Variants in GMDS observed in about 807,000 individuals in gnomAD.
The protein encoded by GMDS is GDP-mannose 4,6-dehydratase, also known as GDP-mannose 4,6 dehydratase.
A neutral mutation model predicts 49.9 loss-of-function variants in GMDS; 20 were observed. The ratio of observed to expected loss-of-function variants is 0.40; its 90% CI spans 0.28 to 0.58. The LOEUF (loss-of-function observed/expected upper bound fraction) is 0.58. Among genes scored for constraint, GMDS ranks in the 20% least tolerant of loss-of-function variants. The probability of loss-of-function intolerance (pLI) is 0.42; values close to 1 mark genes in which losing one functional copy is unlikely to be tolerated. For synonymous variants in GMDS, 177 were observed against 178.6 expected, an observed-to-expected ratio of 0.99 and a Z score of 0.07; for missense variants, 362 against 481.4, an observed-to-expected ratio of 0.75 and a Z score of 2.32.
At chr6:1,697,471 A>G (rs2113353854) in intron 9 of GMDS, among the ~76,000 whole-genome samples, 1 of 152,348 alleles carries the variant, frequency 6.6e-6, no homozygotes, top group East Asian at 1.9e-4. Context: ...GCTGGTAACA[A>G]AATTAAAAAG....
intron 9 of GMDS, among the ~76,000 whole-genome samples, chr6:1,671,926 T>C (rs1350058289): frequency 1.3e-5 from 2 of 152,106 alleles, no homozygotes; most frequent in South Asian, 4.1e-4. Flanking sequence ...GCTTCCCAAA[T>C]TGCTAGGATT....
At chr6:1,984,754 G>A (rs1197825782) in intron 4 of GMDS, among the ~76,000 whole-genome samples, 1 of 152,168 alleles carries the variant, frequency 6.6e-6, no homozygotes, top group Non-Finnish European at 1.5e-5. Context: ...AGAGCTTTCG[G>A]GTGAAGTTCA....
Position 1,624,195 on chromosome 6 carries a change from G to A in GMDS, c.1093C>T (p.Leu365Phe). The change falls in exon 11 of 11, where the codon CTC becomes TTC. Residue 365 changes from leucine to phenylalanine, a missense_variant. Transcript: ENST00000380815. ...CAGGCATTGGGGTTTGTCCTCATGAGCTCCACGTCGGCGTGCACCATCTCC... is the reference window on the plus strand; with the variant it reads ...CAGGCATTGGGGTTTGTCCTCATGAACTCCACGTCGGCGTGCACCATCTCC... ...VREMVHADVE[L>F]MRTNPNA 1.2e-6 allele frequency: 2 copies of A among 1,610,724 alleles called. No homozygotes were observed. Among genetic ancestry groups the A allele is most frequent in the Non-Finnish European group, 1.7e-6 (2 of 1,179,786 alleles).
intron 9 of GMDS, among the ~76,000 whole-genome samples, chr6:1,644,287 G>A (rs1763423340): frequency 6.6e-6 from 1 of 152,182 alleles, no homozygotes; most frequent in South Asian, 2.1e-4. Flanking sequence ...CTGTGACTAG[G>A]GCCTGTCAGG....
chr6:2,227,039 A>C (rs1780843269), intron 1 of GMDS, among the ~76,000 whole-genome samples: 1 of 152,216 alleles, frequency 6.6e-6, no homozygotes, highest in Non-Finnish European at 1.5e-5. Flanking sequence ...AAGATAATGC[A>C]GGCAGTAATT....
At chr6:1,806,948 TATA>T (rs1488639210) in intron 7 of GMDS, among the ~76,000 whole-genome samples, 8 of 152,330 alleles carry the variant, frequency 5.3e-5, no homozygotes, top group African/African-American at 1.7e-4. Flanking sequence ...GTGCTATAAA[TATA>T]ATATGCATAT....
rs183191467 is a variant in GMDS, at chr6:1,651,218, C to G, written c.988-26678G>C. Among the ~76,000 whole-genome samples, 38 of 152,306 alleles carry G rather than the reference C, an allele frequency of 2.5e-4. 1 individual carries two copies. The East Asian group carries it at 6.2e-3, about 25-fold the overall frequency. On this transcript the variant is annotated intron_variant, in intron 9 of 10. Coordinates refer to ENST00000380815, the MANE Select transcript of GMDS (RefSeq NM_001500.4). The stretch of plus-strand genomic sequence containing the variant: ...CAGCCCACACCAGTGGCAGCATGCA[C>G]CCCTTCTCACTGGGTCATCAGCTCA...
intron 1 of GMDS, among the ~76,000 whole-genome samples, chr6:2,163,107 G>A (rs778352229): frequency 2.6e-5 from 4 of 152,282 alleles, no homozygotes; most frequent in South Asian, 2.1e-4. Flanking sequence ...ATTCAATCAC[G>A]ACCGATGACA....
intron 4 of GMDS, among the ~76,000 whole-genome samples, chr6:2,112,834 G>T (rs143265029): frequency 6.5e-4 from 99 of 152,110 alleles, no homozygotes; most frequent in Non-Finnish European, 1.1e-3. Flanking sequence ...TTTCTTGACT[G>T]CCATGGCACA....
chr6:2,113,829 G>T (rs1313811388), intron 4 of GMDS, among the ~76,000 whole-genome samples: 2 of 152,114 alleles, frequency 1.3e-5, no homozygotes, highest in African/African-American at 4.8e-5. Flanking sequence ...ACAAATATTT[G>T]TTGGAAGATT....
chr6:1,685,403 G>A (rs975428951), intron 9 of GMDS, among the ~76,000 whole-genome samples: 12 of 152,152 alleles, frequency 7.9e-5, no homozygotes, highest in South Asian at 2.1e-4. Context: ...TAATAGAGGA[G>A]TATCTGGCAC....
In GMDS at chr6:2,174,335, G is replaced by A. The variant is rs574314438; in HGVS notation, c.103-49604C>T. On this transcript the variant is annotated intron_variant, in intron 1 of 10. Transcript: ENST00000380815. The stretch of plus-strand genomic sequence containing the variant: ...TCCTGCTAAGATATCTTCAGGTCTC[G>A]CATAGAAAAGTTTAGAACTCCATGC... Among the ~76,000 whole-genome samples the A allele has an allele frequency of 4.6e-5, 7 of 152,230 alleles. No homozygotes were observed. In the East Asian group the frequency reaches 1.2e-3, roughly 25 times the overall value.
At chr6:1,677,014 G>C (rs946108591) in intron 9 of GMDS, among the ~76,000 whole-genome samples, 7 of 151,032 alleles carry the variant, frequency 4.6e-5, no homozygotes, top group African/African-American at 1.7e-4. Context: ...GGGAGAAAAT[G>C]TTTGCAATCT....
intron 1 of GMDS, among the ~76,000 whole-genome samples, chr6:2,139,030 T>C (rs1277713334): frequency 6.6e-6 from 1 of 152,142 alleles, no homozygotes; most frequent in African/African-American, 2.4e-5. Context: ...AGTGATGTAG[T>C]TACCTTAATT....
intron 7 of GMDS, among the ~76,000 whole-genome samples, chr6:1,748,025 T>A (rs1444549902): frequency 1.3e-5 from 2 of 152,230 alleles, no homozygotes; most frequent in Non-Finnish European, 2.9e-5. Context: ...TGCTTCTTTC[T>A]TTGCTAACAT....
chr6:2,067,973 T>A (rs576331345), intron 4 of GMDS, among the ~76,000 whole-genome samples: 1 of 151,224 alleles, frequency 6.6e-6, no homozygotes, highest in African/African-American at 2.4e-5. Flanking sequence ...AAAAGAGAAT[T>A]TTAGACCAAT....
chr6:1,798,609 C>T (rs1489311255), intron 7 of GMDS, among the ~76,000 whole-genome samples: 2 of 152,146 alleles, frequency 1.3e-5, no homozygotes, highest in African/African-American at 4.8e-5. Flanking sequence ...CTGCCTAAAG[C>T]CAGCCACCCG....
In GMDS at chr6:1,798,689, C is replaced by A. The variant is rs531329178; in HGVS notation, c.772-56103G>T. On this transcript the variant is annotated intron_variant, in intron 7 of 10. Coordinates refer to ENST00000380815, the MANE Select transcript of GMDS (RefSeq NM_001500.4). ...ATTACTTGTTTGGGAGTCCTCCAAG[C>A]GAATGTCCCCTAAATGTCAAACAGA... Among the ~76,000 whole-genome samples, 58 of 152,258 alleles carry A rather than the reference C, an allele frequency of 3.8e-4. No individual in the cohort carries two copies. In the South Asian group the frequency reaches 0.012, roughly 31 times the overall value.
intron 4 of GMDS, among the ~76,000 whole-genome samples, chr6:2,000,148 C>G (rs1766705718): frequency 7.1e-6 from 1 of 139,862 alleles, no homozygotes; most frequent in Non-Finnish European, 1.5e-5. Flanking sequence ...CATTCTCCTG[C>G]CTCAGCCTCC....
Sources: allele counts gnomAD v4.1 joint callset (sites outside exome capture counted in the v4.1 genomes callset), GRCh38; gene constraint gnomAD v4.1.1; transcripts MANE v1.5; gene names NCBI Gene and HGNC (gene_info 2026-07-23, HGNC 2026-07-21).